The following SLC34A1 variants were observed in gnomAD, a reference collection of about 807,000 sequenced individuals.
SLC34A1 encodes the protein solute carrier family 34 member 1.
Under a neutral mutation model 51.4 loss-of-function variants are expected in SLC34A1, and 57 were observed. The ratio of observed to expected loss-of-function variants is 1.11; its 90% CI spans 0.90 to 1.38. The LOEUF is 1.38. Ranked by LOEUF, SLC34A1 falls within the 40% of genes most tolerant of loss-of-function variation. The pLI is 0.00. For synonymous variants in SLC34A1, 368 were observed against 358.0 expected, an observed-to-expected ratio of 1.03 and a Z score of -0.32; for missense variants, 796 against 835.6, an observed-to-expected ratio of 0.95 and a Z score of 0.58.
Position 177,388,875 on chromosome 5 carries a change from G to T in SLC34A1, c.936+503G>T, listed in dbSNP as rs1762698893. ...CCAGAGCTTATCCTACCATGTCAGG[G>T]CCTGAGCACCCTAGAGGGGTTAGTG... On this transcript the variant is annotated intron_variant, in intron 8 of 12. Coordinates refer to ENST00000324417, the MANE Select transcript of SLC34A1 (RefSeq NM_003052.5). The surrounding 1 kb of genome is among the most constrained non-coding windows in gnomAD (Gnocchi z 4.3). Among the ~76,000 whole-genome samples the T allele has an allele frequency of 6.6e-6, 1 of 152,140 alleles. No individual in the cohort carries two copies. Among genetic ancestry groups the T allele is most frequent in the South Asian group, 2.1e-4 (1 of 4,828 alleles).
Position 177,396,142 on chromosome 5 carries a change from G to T in SLC34A1, c.1175-591G>T, listed in dbSNP as rs62397258. On this transcript the variant is annotated intron_variant, in intron 10 of 12. Transcript: ENST00000324417. The surrounding 1 kb of genome is among the most constrained non-coding windows in gnomAD (Gnocchi z 4.0). ...TGCATGACAAGTACTAGAATAAGGG[G>T]TATCATGGGGCTGTGGGAGCTCAGA... Among the ~76,000 whole-genome samples the T allele has an allele frequency of 8.3e-3, 1,263 of 152,234 alleles. 31 individuals are homozygous for T. The highest frequency in any genetic ancestry group is 8.6e-3 in the Non-Finnish European group (587 of 68,014).
intron 9 of SLC34A1, 79 bp from the exon 10 acceptor site, chr5:177,393,949 C>G (rs1291691763): frequency 3.2e-6 from 5 of 1,583,600 alleles, no homozygotes; most frequent in Non-Finnish European, 4.3e-6. Flanking sequence ...GCCTTAGGAT[C>G]AGAGCCCAAC....
At chr5:177,394,225 C>G in intron 10 of SLC34A1, 30 bp downstream of exon 10, 1 of 1,612,058 alleles carries the variant, frequency 6.2e-7, no homozygotes, top group Non-Finnish European at 8.5e-7. Context: ...CTGGGCAGGG[C>G]CACAGGATGG....
intron 1 of SLC34A1, 24 bp from the exon 2 acceptor site, chr5:177,385,671 C>T: frequency 8.8e-7 from 1 of 1,139,324 alleles, no homozygotes; most frequent in South Asian, 1.3e-5. Context: ...CATGAGTGTC[C>T]CGGACACAGC....
intron 10 of SLC34A1, among the ~76,000 whole-genome samples, chr5:177,395,711 C>A (rs1762934121): frequency 6.6e-6 from 1 of 152,204 alleles, no homozygotes; most frequent in South Asian, 2.1e-4. Context: ...CAGCTCACTG[C>A]AACCTCTGCC....
At chr5:177,390,184 C>G in intron 8 of SLC34A1, 5 of 1,000,890 alleles carry the variant, frequency 5.0e-6, no homozygotes, top group Non-Finnish European at 6.0e-6. Flanking sequence ...CCGAAACAGT[C>G]TCCAGGGAAG....
intron 8 of SLC34A1, among the ~76,000 whole-genome samples, 191 bp from the exon 9 acceptor site, chr5:177,393,503 C>T (rs111969580): frequency 6.6e-6 from 1 of 152,118 alleles, no homozygotes; most frequent in Non-Finnish European, 1.5e-5. Flanking sequence ...GGACCAGATT[C>T]TTGTGTGGCA....
Position 177,398,215 on chromosome 5 carries a change from G to A in SLC34A1, c.1849G>A (p.Glu617Lys). The A allele has an allele frequency of 6.2e-7, 1 of 1,604,648 alleles. No individual in the cohort carries two copies. Among genetic ancestry groups the A allele is most frequent in the Non-Finnish European group, 8.5e-7 (1 of 1,179,860 alleles). ...CCCGCTGCCCCCCAGGGTCTTCCTG[G>A]AGGAGCTACCCCCTGCCACACCCTC... ...SPPLPPRVFL[E>K]ELPPATPSPR... The change falls in exon 13 of 13, where the codon GAG becomes AAG. Residue 617 changes from glutamate (E) to lysine (K), a missense_variant. Transcript: ENST00000324417. The surrounding 1 kb of genome is among the most constrained non-coding windows in gnomAD (Gnocchi z 4.7).
intron 12 of SLC34A1, 153 bp from the exon 13 acceptor site, chr5:177,397,630 G>T: frequency 1.1e-6 from 1 of 942,940 alleles, no homozygotes; most frequent in Non-Finnish European, 1.7e-6. Context: ...TAGCCACCTC[G>T]GGGTGATCTC....
At position 177,397,900 on chromosome 5, in the gene SLC34A1, C is replaced by T. The variant is rs758454383; in HGVS notation, c.1534C>T (p.Arg512Cys). The T allele has an allele frequency of 1.5e-5, 24 of 1,613,854 alleles. No individual in the cohort carries two copies. Among genetic ancestry groups the T allele is most frequent in the South Asian group, 5.5e-5 (5 of 91,088 alleles). ...GCTGGGGAAACGCACGGCCAAGTACCGCTGGTTTGCCGTCCTCTATCTCCT... is the reference window on the plus strand; with the variant it reads ...GCTGGGGAAACGCACGGCCAAGTACTGCTGGTTTGCCGTCCTCTATCTCCT... ...KALGKRTAKY[R>C]WFAVLYLLVC... The change falls in exon 13 of 13, where the codon CGC becomes TGC. Residue 512 changes from arginine (R) to cysteine (C), a missense_variant. By Grantham distance (180) the Arg-to-Cys change is radical. Transcript: ENST00000324417.
intron 10 of SLC34A1, among the ~76,000 whole-genome samples, chr5:177,394,688 CTTTTT>C (rs34736156): frequency 4.3e-4 from 45 of 105,086 alleles, no homozygotes; most frequent in Non-Finnish European, 5.9e-4. Flanking sequence ...GAGACTTTGT[CTTTTT>C]TTTTTTTTTT....
At chr5:177,390,322 T>C (rs1581641357) in intron 8 of SLC34A1, 2 of 987,434 alleles carry the variant, frequency 2.0e-6, no homozygotes, top group Non-Finnish European at 1.2e-6. Flanking sequence ...CACCTTCTTA[T>C]GTGGCCACAC....
chr5:177,397,565 G>A (rs1416343143), intron 12 of SLC34A1: 2 of 631,992 alleles, frequency 3.2e-6, no homozygotes, highest in Admixed American at 2.6e-5. Flanking sequence ...GGAGCTCAGG[G>A]CAGTAGTTAT....
At chr5:177,392,454 A>T (rs894896112) in intron 8 of SLC34A1, among the ~76,000 whole-genome samples, 1 of 147,830 alleles carries the variant, frequency 6.8e-6, no homozygotes, top group Admixed American at 6.8e-5. Context: ...CAGAACAAAA[A>T]CTCTGTCTCA....
At chr5:177,393,154 G>A (rs368957058) in intron 8 of SLC34A1, among the ~76,000 whole-genome samples, 7 of 152,172 alleles carry the variant, frequency 4.6e-5, no homozygotes, top group African/African-American at 1.7e-4. Context: ...CCTCCCTGGG[G>A]AGCCCCTTTG....
At chr5:177,397,636 A>T in intron 12 of SLC34A1, 147 bp from the exon 13 acceptor site, 1 of 1,005,628 alleles carries the variant, frequency 9.9e-7, no homozygotes, top group Non-Finnish European at 1.5e-6. Flanking sequence ...CCTCGGGGTG[A>T]TCTCGGGGCA....
At position 177,394,023 on chromosome 5, in the gene SLC34A1, T is replaced by A. The variant is rs772876675; in HGVS notation, c.1007-5T>A. ...GTCAGCTGTCAGGAGCTCCACCCCC[T>A]GCAGGCAACCACATCTTTGTGGACA... On this transcript the variant is annotated splice_polypyrimidine_tract_variant and splice_region_variant and intron_variant, in intron 9 of 12. Coordinates refer to ENST00000324417, the MANE Select transcript of SLC34A1 (RefSeq NM_003052.5). 1.2e-6 allele frequency: 2 copies of A among 1,613,958 alleles called. No homozygotes were observed. The highest frequency in any genetic ancestry group is 8.5e-7 in the Non-Finnish European group (1 of 1,180,004).
rs745939324 is a variant in SLC34A1, at chr5:177,397,841, C to T, written c.1475C>T (p.Pro492Leu). 3.1e-6 allele frequency: 5 copies of T among 1,613,524 alleles called. No homozygotes were observed. The South Asian group carries it at 5.5e-5, about 18-fold the overall frequency. The change falls in exon 13 of 13, where the codon CCC (proline) becomes CTC (leucine). Residue 492 changes from proline to leucine, a missense_variant. Physicochemically the swap from Pro to Leu is moderately conservative, Grantham distance 98 (BLOSUM62 -3). Transcript: ENST00000324417. ...GGTATCCTTCTGTGGTACCCGGTGC[C>T]CTGCACACGCCTGCCCATCCGCATG... ...ISGILLWYPV[P>L]CTRLPIRMAK... is the part of the protein sequence containing the mutation.
rs1372468999 is a variant in SLC34A1 at position 177,396,863 on chromosome 5, T to A, written c.1291+14T>A. ...CCCCACTCATCGGTGAGTGCCCATGTAGAGGTGGAGTGGGGTGGGCCAGGG... is the reference window on the plus strand; with the variant it reads ...CCCCACTCATCGGTGAGTGCCCATGAAGAGGTGGAGTGGGGTGGGCCAGGG... On this transcript the variant is annotated intron_variant, in intron 11 of 12. Transcript: ENST00000324417. This position sits in a 1 kb window ranked among gnomAD's most constrained non-coding sequence, Gnocchi z 4.0. 5.6e-6 allele frequency: 9 copies of A among 1,614,170 alleles called. No homozygotes were observed. The highest frequency in any genetic ancestry group is 7.6e-6 in the Non-Finnish European group (9 of 1,180,010).
Sources: allele counts gnomAD v4.1 joint callset (sites outside exome capture counted in the v4.1 genomes callset), GRCh38; gene constraint gnomAD v4.1.1; non-coding constraint Gnocchi (gnomAD v3.1); transcripts MANE v1.5; gene names NCBI Gene and HGNC (gene_info 2026-07-23, HGNC 2026-07-21).